Variants in FHIT observed in about 807,000 individuals in gnomAD.
The protein encoded by FHIT is fragile histidine triad diadenosine triphosphatase.
In FHIT, 19 loss-of-function variants were observed where a neutral mutation model predicts 17.9. The observed-to-expected ratio is 1.06, with a 90% CI of 0.74 to 1.56. The LOEUF (loss-of-function observed/expected upper bound fraction) is 1.56. Among genes scored for constraint, FHIT ranks in the 40% most tolerant of loss-of-function variants. The probability of loss-of-function intolerance (pLI) is 0.00; values close to 1 mark genes in which losing one functional copy is unlikely to be tolerated. For missense variants in FHIT, 248 were observed against 189.2 expected (o/e 1.31, Z -1.82); for synonymous variants, 81 against 69.7 (o/e 1.16, Z -0.81).
intron 5 of FHIT, among the ~76,000 whole-genome samples, chr3:60,319,059 T>G (rs183124301): frequency 6.6e-6 from 1 of 152,266 alleles, no homozygotes; most frequent in African/African-American, 2.4e-5. Context: ...ATGACTACCC[T>G]GCACCCACCC....
chr3:61,041,108 C>T (rs115646249), intron 3 of FHIT, among the ~76,000 whole-genome samples: 3,665 of 152,194 alleles, frequency 0.024, 137 homozygotes, highest in African/African-American at 0.082. Context: ...TGGCTGGGCA[C>T]GGTGGCTCAC....
chr3:60,069,271 TAATGA>T (rs1005388948), intron 5 of FHIT, among the ~76,000 whole-genome samples: 5 of 152,212 alleles, frequency 3.3e-5, no homozygotes, highest in Non-Finnish European at 1.5e-5. Context: ...TTTTTTTAAA[TAATGA>T]AAAGTGTTTG....
intron 5 of FHIT, among the ~76,000 whole-genome samples, chr3:60,210,152 T>G (rs1456623726): frequency 6.6e-6 from 1 of 152,014 alleles, no homozygotes; most frequent in Non-Finnish European, 1.5e-5. Flanking sequence ...TAAACCCAAG[T>G]GAATGGAGAA....
intron 8 of FHIT, among the ~76,000 whole-genome samples, chr3:59,878,905 C>G (rs1310342418): frequency 6.6e-6 from 1 of 152,124 alleles, no homozygotes. Flanking sequence ...TTTTACTCCC[C>G]TTGTTCATAT....
At chr3:60,364,762 C>A (rs181998451) in intron 5 of FHIT, among the ~76,000 whole-genome samples, 1 of 152,236 alleles carries the variant, frequency 6.6e-6, no homozygotes, top group East Asian at 1.9e-4. Flanking sequence ...CAACAGATAT[C>A]CTTTCCTAAT....
At chr3:60,899,447 C>G (rs1170028770) in intron 3 of FHIT, among the ~76,000 whole-genome samples, 2 of 152,186 alleles carry the variant, frequency 1.3e-5, no homozygotes, top group Non-Finnish European at 2.9e-5. Context: ...GCTTTATTCT[C>G]TCACTGTTGT....
intron 5 of FHIT, among the ~76,000 whole-genome samples, chr3:60,061,717 TAAAC>T (rs1702302409): frequency 6.6e-6 from 1 of 152,198 alleles, no homozygotes; most frequent in Non-Finnish European, 1.5e-5. Flanking sequence ...ACATTAATTT[TAAAC>T]AAACATTTCA....
At position 59,903,754 on chromosome 3, in the gene FHIT, A is replaced by C. The variant is rs550271932; in HGVS notation, c.348+18592T>G. On this transcript the variant is annotated intron_variant, in intron 8 of 9. Transcript: ENST00000492590. ...GCAATCTGAAAGTGAAAAGGTGGGA[A>C]TAATTTGGTTCCCTGTGAGAGCCAT... Among the ~76,000 whole-genome samples, 32 of 152,296 alleles carry C rather than the reference A, an allele frequency of 2.1e-4. 1 individual carries two copies. In the South Asian group the frequency reaches 5.6e-3, roughly 27 times the overall value.
intron 5 of FHIT, among the ~76,000 whole-genome samples, chr3:60,102,608 G>C (rs1704239611): frequency 6.6e-6 from 1 of 151,282 alleles, no homozygotes; most frequent in African/African-American, 2.4e-5. Context: ...TGGAAAATTA[G>C]TGTTAAATAA....
intron 5 of FHIT, among the ~76,000 whole-genome samples, chr3:60,528,943 C>A (rs538230767): frequency 6.6e-6 from 1 of 152,284 alleles, no homozygotes; most frequent in Admixed American, 6.5e-5. Context: ...TACACATAAA[C>A]ATAACTCCAC....
At chr3:60,038,483 C>T (rs758526591) in intron 5 of FHIT, among the ~76,000 whole-genome samples, 4 of 152,162 alleles carry the variant, frequency 2.6e-5, no homozygotes, top group Non-Finnish European at 4.4e-5. Flanking sequence ...TCAGGTATAA[C>T]TGCAGACAGT....
chr3:59,913,547 T>C (rs548590084), intron 8 of FHIT, among the ~76,000 whole-genome samples: 7 of 152,292 alleles, frequency 4.6e-5, no homozygotes, highest in South Asian at 4.1e-4. Flanking sequence ...TGTATTCTCA[T>C]TGACAGTAAT....
At chr3:59,874,264 G>A (rs1022273327) in intron 8 of FHIT, among the ~76,000 whole-genome samples, 7 of 152,132 alleles carry the variant, frequency 4.6e-5, no homozygotes, top group Non-Finnish European at 8.8e-5. Flanking sequence ...AAACAATTTC[G>A]TGCCATGTGT....
At chr3:60,142,536 T>G (rs149899635) in intron 5 of FHIT, among the ~76,000 whole-genome samples, 44 of 152,296 alleles carry the variant, frequency 2.9e-4, no homozygotes, top group African/African-American at 1.0e-3. Flanking sequence ...TCTCAGTCTG[T>G]TGTCCAGGCT....
intron 3 of FHIT, among the ~76,000 whole-genome samples, chr3:60,965,436 A>G (rs575434477): frequency 2.6e-5 from 4 of 152,182 alleles, no homozygotes; most frequent in East Asian, 1.9e-4. Flanking sequence ...TCTTCACTCA[A>G]CTTGTCAAAG....
chr3:60,272,905 C>T (rs1448881602), intron 5 of FHIT, among the ~76,000 whole-genome samples: 2 of 152,162 alleles, frequency 1.3e-5, no homozygotes, highest in Non-Finnish European at 2.9e-5. Context: ...GTAAATCAGG[C>T]CTCCCTTGAG....
intron 1 of FHIT, among the ~76,000 whole-genome samples, chr3:61,240,897 C>T (rs1170850636): frequency 6.6e-5 from 10 of 152,294 alleles, no homozygotes; most frequent in South Asian, 2.1e-4. Flanking sequence ...ATTTCAGCTG[C>T]GCTAGACTCT....
chr3:60,866,453 A>G (rs145786058), intron 3 of FHIT, among the ~76,000 whole-genome samples: 30 of 152,246 alleles, frequency 2.0e-4, no homozygotes, highest in African/African-American at 7.0e-4. Context: ...AGAGGCCCAC[A>G]TGGGGAGGAA....
chr3:61,065,022 C>A lies in FHIT; in HGVS notation c.-163-22923G>T, dbSNP rs887591164. ...CTGCATGCAAATCCAAATGACAGAGCAGAGAGTGTCCTGGGGCATAATTCC... is the reference window on the plus strand; with the variant it reads ...CTGCATGCAAATCCAAATGACAGAGAAGAGAGTGTCCTGGGGCATAATTCC... On this transcript the variant is annotated intron_variant, in intron 2 of 9. Transcript: ENST00000492590. 4.6e-5 allele frequency among the ~76,000 whole-genome samples: 7 copies of A among 152,226 alleles called. No homozygotes were observed. In the South Asian group the frequency reaches 1.5e-3, roughly 32 times the overall value.
Sources: gnomAD v4.1 joint callset for allele counts (sites outside exome capture counted in the v4.1 genomes callset) on GRCh38, gnomAD v4.1.1 for gene constraint, MANE v1.5 for transcripts, NCBI Gene and HGNC (gene_info 2026-07-23, HGNC 2026-07-21) for gene names.